Variants in LIN7A observed in about 807,000 individuals in gnomAD.
The protein encoded by LIN7A is lin-7 cell polarity scaffold A.
LIN7A carries 25 observed loss-of-function variants against 29.8 expected under a neutral mutation model. That is an observed-to-expected ratio of 0.84 (90% confidence interval 0.61 to 1.17). The LOEUF (loss-of-function observed/expected upper bound fraction) is 1.17, where lower values mean the gene tolerates loss of function less well. Among genes scored for constraint, LIN7A ranks in the 50% most tolerant of loss-of-function variants. LIN7A has a pLI of 0.00. For synonymous variants in LIN7A, 118 were observed against 107.5 expected (o/e 1.10, Z -0.60); for missense variants, 239 against 287.0 (o/e 0.83, Z 1.21).
intron 2 of LIN7A, among the ~76,000 whole-genome samples, chr12:80,866,320 C>G (rs1267953023): frequency 6.6e-6 from 1 of 152,148 alleles, no homozygotes; most frequent in Non-Finnish European, 1.5e-5. Context: ...TCAAACTGAT[C>G]TCTAAGTAAT....
chr12:80,837,608 AT>A (rs1231593083), intron 4 of LIN7A, among the ~76,000 whole-genome samples: 11 of 152,124 alleles, frequency 7.2e-5, no homozygotes, highest in Admixed American at 6.5e-4. Flanking sequence ...CTGATTTGGG[AT>A]TTTTGGCTTC....
At position 80,862,983 on chromosome 12, in the gene LIN7A, A is replaced by G. The variant is rs367879072; in HGVS notation, c.202-14661T>C. ...TTCACAGAGAGGAGTTTTCCATTAC[A>G]TCTTTTCTCATGTGTTCTGTTACAT... On this transcript the variant is annotated intron_variant, in intron 2 of 5. Transcript: ENST00000552864. 2.6e-5 allele frequency among the ~76,000 whole-genome samples: 4 copies of G among 152,338 alleles called. No homozygotes were observed. The South Asian group carries it at 8.3e-4, about 32-fold the overall frequency.
chr12:80,870,722 G>C (rs1874386336), intron 2 of LIN7A, among the ~76,000 whole-genome samples: 1 of 152,194 alleles, frequency 6.6e-6, no homozygotes, highest in Middle Eastern at 3.2e-3. Flanking sequence ...GAAAACTGTT[G>C]AGCCAAGACT....
chr12:80,817,880 A>G (rs2121515543), intron 4 of LIN7A, among the ~76,000 whole-genome samples: 1 of 152,288 alleles, frequency 6.6e-6, no homozygotes, highest in Admixed American at 6.5e-5. Flanking sequence ...GAAATGAAAT[A>G]CATGGAGTGT....
At chr12:80,882,290 T>C in intron 2 of LIN7A, among the ~76,000 whole-genome samples, 2 of 93,590 alleles carry the variant, frequency 2.1e-5, no homozygotes, top group Non-Finnish European at 5.9e-5. Flanking sequence ...TTTCATTCTT[T>C]TTTTTTTTTT....
At chr12:80,873,132 G>C (rs1716546) in intron 2 of LIN7A, among the ~76,000 whole-genome samples, 35,378 of 151,994 alleles carry the variant, frequency 0.23, 6,776 homozygotes, top group African/African-American at 0.52. Context: ...AATTGTGTAG[G>C]AAGAGGTGTG....
chr12:80,820,630 TACACACACACACAC>T (rs3072333), intron 4 of LIN7A, among the ~76,000 whole-genome samples: 1 of 147,426 alleles, frequency 6.8e-6, no homozygotes, highest in African/African-American at 2.5e-5. Context: ...GAAGATTAAA[TACACACACACACAC>T]ACACACACAC....
At chr12:80,878,652 T>G (rs1592918716) in intron 2 of LIN7A, among the ~76,000 whole-genome samples, 1 of 152,170 alleles carries the variant, frequency 6.6e-6, no homozygotes, top group African/African-American at 2.4e-5. Context: ...CAGCTTTTAT[T>G]CCCTTATTTG....
In LIN7A at chr12:80,937,630, CG is replaced by C. The variant is rs1565938103; in HGVS notation, c.82+10del. 8.1e-6 allele frequency: 12 copies of C among 1,487,198 alleles called. No individual in the cohort carries two copies. Among genetic ancestry groups the C allele is most frequent in the Non-Finnish European group, 1.1e-5 (12 of 1,109,510 alleles). The allele number at this position is 1,487,198 out of a possible 1,614,324, so 92.1% of individuals were successfully genotyped here. ...GGACGCGGTGGCCTGGCGAGCGAGC[CG>C]CTCCCTTACCTCTGTCCAGGGTGAG... is the stretch of plus-strand genomic sequence containing the variant. On this transcript the variant is annotated intron_variant, in intron 1 of 5. Coordinates refer to ENST00000552864, the MANE Select transcript of LIN7A (RefSeq NM_004664.4).
rs1365861172 is a variant in LIN7A, at chr12:80,811,506, G to C, written c.661C>G (p.Gln221Glu). 2 of 1,597,386 alleles carry C rather than the reference G, an allele frequency of 1.3e-6. No individual in the cohort carries two copies. The highest frequency in any genetic ancestry group is 3.4e-5 in the Admixed American group (2 of 57,974). Residue 221 changes from glutamine (Q) to glutamate (E), a missense_variant, in exon 5 of 6, where the codon CAG becomes GAG. Gln to Glu is a conservative substitution (Grantham distance 29). Coordinates refer to ENST00000552864, the MANE Select transcript of LIN7A (RefSeq NM_004664.4). ...QQQLLIQQQQ[Q>E]QQQQQTQQNH... is the part of the protein sequence containing the mutation. The stretch of plus-strand genomic sequence containing the variant: ...TGTTGTGTTTGTTGCTGCTGCTGCT[G>C]TTGCTGCTGCTGAATTAGCAATTGC...
At chr12:80,909,567 C>A (rs576001591) in intron 1 of LIN7A, among the ~76,000 whole-genome samples, 69 of 152,040 alleles carry the variant, frequency 4.5e-4, no homozygotes, top group Non-Finnish European at 8.8e-4. Context: ...TCACAGATGG[C>A]ATCTTTTGCT....
intron 1 of LIN7A, among the ~76,000 whole-genome samples, chr12:80,935,508 C>T (rs1878162322): frequency 2.6e-5 from 4 of 152,188 alleles, no homozygotes; most frequent in Admixed American, 2.6e-4. Flanking sequence ...AGAGTTGCAG[C>T]TAGGACCCAG....
intron 4 of LIN7A, among the ~76,000 whole-genome samples, chr12:80,815,145 C>A (rs985503104): frequency 6.6e-6 from 1 of 152,148 alleles, no homozygotes; most frequent in African/African-American, 2.4e-5. Flanking sequence ...ACTAGCTTTG[C>A]CTACTTTGTA....
intron 3 of LIN7A, 48 bp from the exon 4 acceptor site, chr12:80,845,987 A>C: frequency 6.6e-7 from 1 of 1,510,574 alleles, no homozygotes; most frequent in Non-Finnish European, 8.9e-7. Context: ...AATGAGGGAA[A>C]TAAAGGCTAA....
At chr12:80,883,351 C>T (rs1875165067) in intron 2 of LIN7A, among the ~76,000 whole-genome samples, 2 of 152,150 alleles carry the variant, frequency 1.3e-5, no homozygotes, top group African/African-American at 4.8e-5. Context: ...TAGATTAAGA[C>T]ATTAATAGGC....
At chr12:80,855,253 G>T (rs1360923260) in intron 2 of LIN7A, among the ~76,000 whole-genome samples, 1 of 152,124 alleles carries the variant, frequency 6.6e-6, no homozygotes, top group Non-Finnish European at 1.5e-5. Context: ...AAATGATGAG[G>T]TCTAAATCTC....
intron 2 of LIN7A, among the ~76,000 whole-genome samples, chr12:80,876,257 G>C (rs1449861987): frequency 6.6e-6 from 1 of 152,042 alleles, no homozygotes; most frequent in African/African-American, 2.4e-5. Flanking sequence ...AAATAGTAAT[G>C]AAGGGATGAG....
chr12:80,893,362 G>A (rs1054755762), intron 1 of LIN7A, among the ~76,000 whole-genome samples: 3 of 152,170 alleles, frequency 2.0e-5, no homozygotes, highest in Admixed American at 2.0e-4. Context: ...ATCTCTAGGA[G>A]TGGAATCTAC....
chr12:80,807,360 G>A lies in LIN7A; in HGVS notation c.*4105C>T, dbSNP rs942956394. 4.6e-5 allele frequency among the ~76,000 whole-genome samples: 7 copies of A among 151,984 alleles called. No homozygotes were observed. In the South Asian group the frequency reaches 1.0e-3, roughly 23 times the overall value. On this transcript the variant is annotated intron_variant, in intron 5 of 5. Coordinates refer to ENST00000552864, the MANE Select transcript of LIN7A (RefSeq NM_004664.4). ...GCTGGGATTACAGGCATGAGCCACCGCACCTGGCCCGAAGATGGAGATTTA... is the reference window on the plus strand; with the variant it reads ...GCTGGGATTACAGGCATGAGCCACCACACCTGGCCCGAAGATGGAGATTTA...
Sources: gnomAD v4.1 joint callset for allele counts (sites outside exome capture counted in the v4.1 genomes callset) on GRCh38, gnomAD v4.1.1 for gene constraint, MANE v1.5 for transcripts, NCBI Gene and HGNC (gene_info 2026-07-23, HGNC 2026-07-21) for gene names.